Variants in CNOT1 observed in about 807,000 individuals in gnomAD.
CNOT1 encodes CCR4-NOT transcription complex subunit 1.
CNOT1 carries 15 observed loss-of-function variants against 273.8 expected under a neutral mutation model. The observed-to-expected ratio is 0.05, with a 90% CI of 0.04 to 0.08. The LOEUF (loss-of-function observed/expected upper bound fraction) is 0.08, where lower values mean the gene tolerates loss of function less well. Ranked by LOEUF, CNOT1 falls within the 10% of genes least tolerant of loss-of-function variation. The probability of loss-of-function intolerance (pLI) is 1.00; values close to 1 mark genes in which losing one functional copy is unlikely to be tolerated. For synonymous variants in CNOT1, 1,022 were observed against 1,005.5 expected, an observed-to-expected ratio of 1.02 and a Z score of -0.31; for missense variants, 1,644 against 2,912.2, an observed-to-expected ratio of 0.56 and a Z score of 10.02.
Position 58,548,639 on chromosome 16 carries a change from C to T in CNOT1, c.3523-957G>A, listed in dbSNP as rs779302527. On this transcript the variant is annotated intron_variant, in intron 25 of 48. Transcript: ENST00000317147. Reference sequence around the variant, plus strand: ...ACAGGTTTAAATATAGTGCTGGTTCCTAAGCCAATGACCCAAGTTATTGAG... The same window carrying T: ...ACAGGTTTAAATATAGTGCTGGTTCTTAAGCCAATGACCCAAGTTATTGAG... The T allele has an allele frequency of 5.8e-6, 3 of 518,110 alleles. No individual in the cohort carries two copies. In the Admixed American group the frequency reaches 5.8e-5, roughly 10 times the overall value. The allele number at this position is 518,110 out of a possible 1,614,324, so 32.1% of individuals were successfully genotyped here.
At chr16:58,534,101 AC>A (rs1319463260) in intron 40 of CNOT1, 45 bp downstream of exon 40, 2 of 1,384,308 alleles carry the variant, frequency 1.4e-6, no homozygotes, top group East Asian at 5.4e-5. Context: ...TAAATAAAAC[AC>A]CCCACTGATG....
At chr16:58,556,716 T>G in intron 19 of CNOT1, 131 bp downstream of exon 19, 1 of 1,398,830 alleles carries the variant, frequency 7.1e-7, no homozygotes, top group Non-Finnish European at 9.3e-7. Flanking sequence ...TTTTAATAAT[T>G]CAAATTTGTG....
intron 36 of CNOT1, 93 bp downstream of exon 36, chr16:58,538,679 A>G: frequency 1.3e-6 from 2 of 1,538,812 alleles, no homozygotes; most frequent in South Asian, 2.5e-5. Flanking sequence ...TACCTACTAG[A>G]AAAAAGGGAA....
intron 29 of CNOT1, 29 bp downstream of exon 29, chr16:58,546,292 A>C: frequency 6.3e-7 from 1 of 1,581,872 alleles, no homozygotes; most frequent in South Asian, 1.1e-5. Context: ...AGCTAACAGA[A>C]GCCTTCCTTG....
chr16:58,555,012 T>C (rs1597449903), intron 21 of CNOT1, among the ~76,000 whole-genome samples: 1 of 138,860 alleles, frequency 7.2e-6, no homozygotes, highest in Admixed American at 7.3e-5. Flanking sequence ...GAGGCCAAGG[T>C]GGGAGTTTGA....
intron 1 of CNOT1, among the ~76,000 whole-genome samples, chr16:58,619,006 A>T (rs746729270): frequency 1.3e-5 from 2 of 152,128 alleles, no homozygotes; most frequent in African/African-American, 4.8e-5. Flanking sequence ...CAGGCTGAGC[A>T]ACATAGTGAG....
chr16:58,597,599 G>T (rs1046901732), intron 2 of CNOT1: 1 of 376,868 alleles, frequency 2.7e-6, no homozygotes, highest in East Asian at 7.3e-5. Flanking sequence ...TCAGGTTTGT[G>T]TTTGGCACTT....
intron 17 of CNOT1, among the ~76,000 whole-genome samples, chr16:58,559,139 A>G (rs1222419964): frequency 6.6e-6 from 1 of 152,078 alleles, no homozygotes; most frequent in East Asian, 1.9e-4. Context: ...CTATGTTTTG[A>G]CTCAACACGT....
chr16:58,555,150 G>A, intron 21 of CNOT1, 101 bp downstream of exon 21: 1 of 1,511,372 alleles, frequency 6.6e-7, no homozygotes, highest in South Asian at 1.3e-5. Context: ...CAAGGCTGCA[G>A]TGAGCCGAGA....
intron 1 of CNOT1, among the ~76,000 whole-genome samples, chr16:58,613,244 G>C (rs1266859845): frequency 6.6e-6 from 1 of 151,916 alleles, no homozygotes; most frequent in Non-Finnish European, 1.5e-5. Flanking sequence ...ATGTTGGCCA[G>C]GCTGGTCTTG....
rs1426324826 is a variant in CNOT1, at chr16:58,587,864, A to C, written c.225T>G (p.Ile75Met). 1.9e-6 allele frequency: 3 copies of C among 1,613,468 alleles called. No homozygotes were observed. The highest frequency in any genetic ancestry group is 1.7e-6 in the Non-Finnish European group (2 of 1,179,990). Reference sequence around the variant, plus strand: ...TTGTAATCAGCAACGCACACTCCTGAATCAGAAACTGAGTCTTTAAAAATA... The same window carrying C: ...TTGTAATCAGCAACGCACACTCCTGCATCAGAAACTGAGTCTTTAAAAATA... ...GKDFHQTQFL[I>M]QECALLITKP... Residue 75 changes from isoleucine (I) to methionine (M), a missense_variant, in exon 4 of 49, where the codon ATT (isoleucine) becomes ATG (methionine). By Grantham distance (10) the Ile-to-Met change is conservative. This residue lies in a region of CNOT1 where 706 missense variants were observed against 1,021.2 expected (regional missense o/e 0.69). Coordinates refer to ENST00000317147, the MANE Select transcript of CNOT1 (RefSeq NM_016284.5).
chr16:58,528,334 T>C, intron 44 of CNOT1, 141 bp downstream of exon 44: 1 of 691,472 alleles, frequency 1.4e-6, no homozygotes, highest in Non-Finnish European at 2.6e-6. Flanking sequence ...TCAGGCTTAA[T>C]AACATTATTT....
intron 2 of CNOT1, among the ~76,000 whole-genome samples, chr16:58,593,060 C>CA (rs1457702412): frequency 5.3e-5 from 8 of 152,100 alleles, no homozygotes; most frequent in African/African-American, 1.9e-4. Flanking sequence ...AGTAAAAACA[C>CA]AAAGAATCAG....
chr16:58,555,290 T>C lies in CNOT1; in HGVS notation c.2852A>G (p.Tyr951Cys). 1 of 1,614,122 alleles carries C rather than the reference T, an allele frequency of 6.2e-7. No individual in the cohort carries two copies. Among genetic ancestry groups the C allele is most frequent in the Non-Finnish European group, 8.5e-7 (1 of 1,180,016 alleles). The change falls in exon 21 of 49, where the codon TAT becomes TGT. Residue 951 changes from tyrosine (Y) to cysteine (C), a missense_variant. Tyr to Cys is a radical substitution (Grantham distance 194). Transcript: ENST00000317147. ...ALRKPFGSKMYYFGIAALDRF... is the reference protein window; with the variant it reads ...ALRKPFGSKMCYFGIAALDRF... ...ATCTAGTGCAGCAATCCCGAAATAA[T>C]ACATTTTGGATCCAAAAGGCTTGCG...
chr16:58,558,443 A>G, intron 18 of CNOT1, 30 bp downstream of exon 18: 1 of 1,612,524 alleles, frequency 6.2e-7, no homozygotes, highest in Non-Finnish European at 8.5e-7. Flanking sequence ...ACTTATGAAT[A>G]ATCCATGCTC....
At chr16:58,571,081 C>T (rs1481115647) in intron 16 of CNOT1, among the ~76,000 whole-genome samples, 2 of 151,620 alleles carry the variant, frequency 1.3e-5, no homozygotes, top group Non-Finnish European at 2.9e-5. Flanking sequence ...CAAATTAAGA[C>T]ACATATAGCT....
intron 2 of CNOT1, among the ~76,000 whole-genome samples, chr16:58,590,984 ATTATCTG>A (rs989084619): frequency 3.5e-4 from 54 of 152,290 alleles, no homozygotes; most frequent in African/African-American, 1.1e-3. Context: ...TTCTGACAAC[ATTATCTG>A]TTAACAAAAA....
At chr16:58,587,175 T>G (rs1029207436) in intron 6 of CNOT1, 26 bp downstream of exon 6, 1 of 1,609,040 alleles carries the variant, frequency 6.2e-7, no homozygotes, top group Admixed American at 1.7e-5. Context: ...TCTCACTTCG[T>G]GATATTTTTG....
intron 12 of CNOT1, 110 bp from the exon 13 acceptor site, chr16:58,579,049 T>C: frequency 6.8e-7 from 1 of 1,476,118 alleles, no homozygotes; most frequent in Non-Finnish European, 9.0e-7. Flanking sequence ...TGGTGTCATG[T>C]TTTAATATTA....
Sources: gnomAD v4.1 joint callset for allele counts (sites outside exome capture counted in the v4.1 genomes callset) on GRCh38, gnomAD v4.1.1 for gene constraint, gnomAD v4.1.1 regional missense constraint, MANE v1.5 for transcripts, NCBI Gene and HGNC (gene_info 2026-07-23, HGNC 2026-07-21) for gene names.